GPC5: variants seen among roughly 807,000 people sequenced by gnomAD.
GPC5 encodes the protein glypican 5, also known as glypican-5.
In GPC5, 47 loss-of-function variants were observed where a neutral mutation model predicts 53.9. That is an observed-to-expected ratio of 0.87 (90% CI 0.69 to 1.11). The LOEUF is 1.11. Ranked by LOEUF, GPC5 falls within the 50% of genes most tolerant of loss-of-function variation. GPC5 has a pLI of 0.00. For synonymous variants in GPC5, 286 were observed against 263.3 expected (o/e 1.09, Z -0.84); for missense variants, 748 against 713.1 (o/e 1.05, Z -0.56).
At chr13:91,500,335 C>A (rs1032685500) in intron 2 of GPC5, among the ~76,000 whole-genome samples, 2 of 152,030 alleles carry the variant, frequency 1.3e-5, no homozygotes, top group African/African-American at 4.8e-5. Context: ...TCTCTTTTTC[C>A]AGGTAGGAGA....
intron 5 of GPC5, among the ~76,000 whole-genome samples, chr13:91,770,877 A>G (rs1020750450): frequency 1.1e-4 from 16 of 152,190 alleles, no homozygotes; most frequent in Non-Finnish European, 2.2e-4. Context: ...TGTGGTATAC[A>G]TGAGAGGGAG....
At chr13:92,287,380 C>A (rs2042963508) in intron 7 of GPC5, among the ~76,000 whole-genome samples, 1 of 152,070 alleles carries the variant, frequency 6.6e-6, no homozygotes, top group South Asian at 2.1e-4. Context: ...GTCTACTTTG[C>A]TTACAAGGTT....
chr13:92,372,112 A>G (rs1348338755), intron 7 of GPC5, among the ~76,000 whole-genome samples: 1 of 152,178 alleles, frequency 6.6e-6, no homozygotes, highest in African/African-American at 2.4e-5. Context: ...AGAGAGGAAC[A>G]CAGCCCTGCC....
chr13:91,409,211 G>A (rs942453351), intron 1 of GPC5, among the ~76,000 whole-genome samples: 6 of 152,084 alleles, frequency 3.9e-5, no homozygotes, highest in Non-Finnish European at 7.4e-5. Context: ...TCAATAAAAT[G>A]AAGAGATTAA....
chr13:91,943,401 G>T (rs891233126), intron 6 of GPC5, among the ~76,000 whole-genome samples: 8 of 151,300 alleles, frequency 5.3e-5, no homozygotes, highest in African/African-American at 1.9e-4. Context: ...TTATTTCAGT[G>T]TGATCACATG....
rs891817258 is a variant in GPC5, at chr13:92,149,807, G to A, written c.1561+4818G>A. Among the ~76,000 whole-genome samples the A allele has an allele frequency of 3.3e-5, 5 of 151,994 alleles. No individual in the cohort carries two copies. The South Asian group carries it at 1.0e-3, about 32-fold the overall frequency. ...TTAAAAAGATGTTACTTTCTTTCCAGAACTAGGAAAACTATGTATTTATTC... is the reference window on the plus strand; with the variant it reads ...TTAAAAAGATGTTACTTTCTTTCCAAAACTAGGAAAACTATGTATTTATTC... On this transcript the variant is annotated intron_variant, in intron 7 of 7. Transcript: ENST00000377067.
chr13:92,383,325 TA>T (rs2043765780), intron 7 of GPC5, among the ~76,000 whole-genome samples: 1 of 152,194 alleles, frequency 6.6e-6, no homozygotes, highest in African/African-American at 2.4e-5. Context: ...TACTTGTTTT[TA>T]AACTAAATGA....
chr13:91,855,512 A>T (rs553029221), intron 5 of GPC5, among the ~76,000 whole-genome samples: 1 of 151,816 alleles, frequency 6.6e-6, no homozygotes, highest in Admixed American at 6.6e-5. Context: ...TGTGAAAAAA[A>T]TAGTGAGATT....
chr13:92,357,769 A>G (rs1196709117), intron 7 of GPC5, among the ~76,000 whole-genome samples: 2 of 151,514 alleles, frequency 1.3e-5, no homozygotes, highest in Non-Finnish European at 2.9e-5. Context: ...TAGAGAATTC[A>G]CTGACTATGA....
chr13:91,710,903 A>G (rs1028320855), intron 3 of GPC5, among the ~76,000 whole-genome samples: 1 of 152,234 alleles, frequency 6.6e-6, no homozygotes, highest in Non-Finnish European at 1.5e-5. Context: ...GCCTACACAC[A>G]ATAGTCATCT....
intron 7 of GPC5, among the ~76,000 whole-genome samples, chr13:92,679,583 C>T (rs1887052186): frequency 6.6e-6 from 1 of 152,194 alleles, no homozygotes; most frequent in African/African-American, 2.4e-5. Context: ...TACACACTTT[C>T]AGAGAGCAGA....
chr13:92,547,085 A>C (rs1572106), intron 7 of GPC5, among the ~76,000 whole-genome samples: 11,476 of 152,244 alleles, frequency 0.075, 1,302 homozygotes, highest in African/African-American at 0.25. Flanking sequence ...TATTATTTCA[A>C]AAGATATCTT....
intron 2 of GPC5, among the ~76,000 whole-genome samples, chr13:91,689,183 A>AT (rs2035689536): frequency 2.5e-5 from 2 of 80,736 alleles, no homozygotes; most frequent in African/African-American, 5.0e-5. Flanking sequence ...AATCATATAT[A>AT]AATATATATA....
chr13:91,883,784 A>G (rs1380048856), intron 5 of GPC5, among the ~76,000 whole-genome samples: 2 of 151,990 alleles, frequency 1.3e-5, no homozygotes, highest in African/African-American at 4.8e-5. Context: ...TTTTATTTTT[A>G]TTTTTTAAAT....
chr13:91,947,881 T>C (rs1166601549), intron 6 of GPC5, among the ~76,000 whole-genome samples: 1 of 152,010 alleles, frequency 6.6e-6, no homozygotes, highest in East Asian at 1.9e-4. Flanking sequence ...GTTGAGTTAA[T>C]GAAAGAATGA....
chr13:91,427,104 G>A (rs144161222), intron 1 of GPC5, among the ~76,000 whole-genome samples: 11 of 152,306 alleles, frequency 7.2e-5, no homozygotes, highest in Admixed American at 1.3e-4. Context: ...TGGAGCCCTC[G>A]TGGAGAACCT....
At chr13:92,415,278 G>A (rs1292549954) in intron 7 of GPC5, among the ~76,000 whole-genome samples, 2 of 152,188 alleles carry the variant, frequency 1.3e-5, no homozygotes, top group Admixed American at 1.3e-4. Context: ...CCAGAGAGTG[G>A]AGTGAATTGG....
intron 1 of GPC5, among the ~76,000 whole-genome samples, chr13:91,437,913 T>C (rs1880109103): frequency 6.6e-6 from 1 of 152,242 alleles, no homozygotes; most frequent in Admixed American, 6.5e-5. Flanking sequence ...TTTCATTCAT[T>C]TGATCTTCCA....
chr13:91,534,110 C>T (rs1430319551), intron 2 of GPC5, among the ~76,000 whole-genome samples: 1 of 152,030 alleles, frequency 6.6e-6, no homozygotes, highest in Non-Finnish European at 1.5e-5. Flanking sequence ...TTATATATTG[C>T]TCACCTAAGG....
Sources: gnomAD v4.1 joint callset for allele counts (sites outside exome capture counted in the v4.1 genomes callset) on GRCh38, gnomAD v4.1.1 for gene constraint, MANE v1.5 for transcripts, NCBI Gene and HGNC (gene_info 2026-07-23, HGNC 2026-07-21) for gene names.